GRID2: variants seen among roughly 807,000 people sequenced by gnomAD.
GRID2 encodes glutamate receptor ionotropic, delta-2.
Under a neutral mutation model 114.8 loss-of-function variants are expected in GRID2, and 33 were observed. The observed-to-expected ratio is 0.29, with a 90% CI of 0.22 to 0.38. The LOEUF (loss-of-function observed/expected upper bound fraction) is 0.38. Among genes scored for constraint, GRID2 ranks in the 10% least tolerant of loss-of-function variants. GRID2 has a pLI of 1.00. For missense variants in GRID2, 1,184 were observed against 1,257.7 expected, an observed-to-expected ratio of 0.94 and a Z score of 0.89; for synonymous variants, 505 against 449.9, an observed-to-expected ratio of 1.12 and a Z score of -1.55.
At chr4:92,437,131 T>C (rs1437687170) in intron 1 of GRID2, among the ~76,000 whole-genome samples, 1 of 152,230 alleles carries the variant, frequency 6.6e-6, no homozygotes, top group Non-Finnish European at 1.5e-5. Flanking sequence ...GTGGGTCTTA[T>C]ACCAATTAAA....
chr4:92,849,287 A>C (rs1743580310), intron 2 of GRID2, among the ~76,000 whole-genome samples: 1 of 151,944 alleles, frequency 6.6e-6, no homozygotes, highest in Admixed American at 6.6e-5. Context: ...TTTCCTTAGT[A>C]CTTGCCTTTA....
chr4:92,605,622 A>T (rs1729419458), intron 2 of GRID2, among the ~76,000 whole-genome samples: 1 of 152,128 alleles, frequency 6.6e-6, no homozygotes. Flanking sequence ...CAGGTTGAGT[A>T]GTAGACAGAC....
intron 4 of GRID2, among the ~76,000 whole-genome samples, chr4:93,189,815 A>AC (rs1740807211): frequency 1.5e-5 from 2 of 137,542 alleles, no homozygotes; most frequent in African/African-American, 2.7e-5. Flanking sequence ...ACACACACAC[A>AC]AATCTCATCT....
chr4:92,776,224 T>C (rs1738785960), intron 2 of GRID2, among the ~76,000 whole-genome samples: 1 of 152,138 alleles, frequency 6.6e-6, no homozygotes, highest in African/African-American at 2.4e-5. Flanking sequence ...TTTTGTGAAA[T>C]ATTGGGTGCT....
At chr4:92,454,562 C>T (rs911700394) in intron 1 of GRID2, among the ~76,000 whole-genome samples, 5 of 152,176 alleles carry the variant, frequency 3.3e-5, no homozygotes, top group African/African-American at 7.2e-5. Context: ...AATCTGCATC[C>T]CTGGTGGCTC....
rs1254445868 is a variant in GRID2, at chr4:93,094,809, T to A, written c.529+9530T>A. On this transcript the variant is annotated intron_variant, in intron 3 of 15. Coordinates refer to ENST00000282020, the MANE Select transcript of GRID2 (RefSeq NM_001510.4). ...AAGATAAATGTGAAGAGAAAATGACTGATAATTAGCCAAAATTGAATTAAA... is the reference window on the plus strand; with the variant it reads ...AAGATAAATGTGAAGAGAAAATGACAGATAATTAGCCAAAATTGAATTAAA... Among the ~76,000 whole-genome samples, 3 of 152,060 alleles carry A rather than the reference T, an allele frequency of 2.0e-5. No individual in the cohort carries two copies. In the South Asian group the frequency reaches 6.2e-4, roughly 32 times the overall value.
At chr4:93,503,757 C>T (rs562809554) in intron 12 of GRID2, among the ~76,000 whole-genome samples, 2 of 152,084 alleles carry the variant, frequency 1.3e-5, no homozygotes, top group East Asian at 1.9e-4. Flanking sequence ...TGTTATTTTC[C>T]ATGTCCCTTC....
intron 1 of GRID2, among the ~76,000 whole-genome samples, chr4:92,557,673 G>A (rs1304248481): frequency 7.7e-6 from 1 of 129,322 alleles, no homozygotes; most frequent in Non-Finnish European, 1.7e-5. Flanking sequence ...CCAAACTGTC[G>A]ATTTCATATA....
intron 4 of GRID2, among the ~76,000 whole-genome samples, chr4:93,150,614 C>T (rs542264739): frequency 6.6e-6 from 1 of 152,190 alleles, no homozygotes; most frequent in East Asian, 1.9e-4. Flanking sequence ...TTCTGGCCAG[C>T]TCTGCATGTA....
At chr4:93,420,970 G>A (rs1008348936) in intron 9 of GRID2, among the ~76,000 whole-genome samples, 10 of 152,066 alleles carry the variant, frequency 6.6e-5, no homozygotes, top group African/African-American at 9.7e-5. Context: ...AGCCAGGATG[G>A]TCTCAATCTC....
At chr4:93,601,845 A>G (rs1202697611) in intron 13 of GRID2, among the ~76,000 whole-genome samples, 2 of 152,170 alleles carry the variant, frequency 1.3e-5, no homozygotes, top group Non-Finnish European at 2.9e-5. Flanking sequence ...TAACCATGTT[A>G]TTATGAATAA....
chr4:93,011,597 G>A (rs968769005), intron 2 of GRID2, among the ~76,000 whole-genome samples: 1 of 152,072 alleles, frequency 6.6e-6, no homozygotes, highest in Non-Finnish European at 1.5e-5. Context: ...TTTAAAAGCT[G>A]TGTGTCAGGA....
chr4:93,573,385 A>G (rs1736115176), intron 13 of GRID2, among the ~76,000 whole-genome samples: 1 of 152,312 alleles, frequency 6.6e-6, no homozygotes, highest in Non-Finnish European at 1.5e-5. Context: ...ATGTTAATGT[A>G]TATCATCTTT....
intron 9 of GRID2, among the ~76,000 whole-genome samples, chr4:93,412,551 TA>T (rs1463311503): frequency 1.3e-5 from 2 of 152,198 alleles, no homozygotes; most frequent in Admixed American, 6.5e-5. Flanking sequence ...TGAGATAATA[TA>T]AAAAATTTAC....
intron 2 of GRID2, among the ~76,000 whole-genome samples, chr4:92,691,687 T>A (rs1302558559): frequency 9.2e-5 from 14 of 152,250 alleles, no homozygotes; most frequent in Non-Finnish European, 1.0e-4. Context: ...TAAATGTGTT[T>A]TGCAGAACAA....
intron 2 of GRID2, among the ~76,000 whole-genome samples, chr4:92,768,743 C>T (rs760588379): frequency 6.6e-6 from 1 of 152,108 alleles, no homozygotes; most frequent in Non-Finnish European, 1.5e-5. Flanking sequence ...TGGAGATAAA[C>T]TCCCATTTTT....
At chr4:93,373,980 G>T (rs1351437717) in intron 8 of GRID2, among the ~76,000 whole-genome samples, 1 of 152,152 alleles carries the variant, frequency 6.6e-6, no homozygotes, top group Non-Finnish European at 1.5e-5. Context: ...ATTGATACTA[G>T]TATGTGTTGT....
chr4:93,374,127 ATGT>A (rs1763170833), intron 8 of GRID2, among the ~76,000 whole-genome samples: 1 of 152,154 alleles, frequency 6.6e-6, no homozygotes, highest in Non-Finnish European at 1.5e-5. Flanking sequence ...ACTCCAACAG[ATGT>A]TGTCATGTAG....
intron 9 of GRID2, among the ~76,000 whole-genome samples, chr4:93,398,133 G>GTGTGTGTGTGTATGTATATA: frequency 8.2e-6 from 1 of 122,336 alleles, no homozygotes; most frequent in Non-Finnish European, 1.6e-5. Context: ...ATGTGTGTGT[G>GTGTGTGTGTGTATGTATATA]TATATATATA....
Sources: gnomAD v4.1 joint callset for allele counts (sites outside exome capture counted in the v4.1 genomes callset) on GRCh38, gnomAD v4.1.1 for gene constraint, MANE v1.5 for transcripts, NCBI Gene and HGNC (gene_info 2026-07-23, HGNC 2026-07-21) for gene names.